Variants in AFF1 observed in about 807,000 individuals in gnomAD.
AFF1 encodes ALF transcription elongation factor 1.
Under a neutral mutation model 121.7 loss-of-function variants are expected in AFF1, and 48 were observed. That is an observed-to-expected ratio of 0.39 (90% CI 0.31 to 0.50). The LOEUF is 0.50. Ranked by LOEUF, AFF1 falls within the 20% of genes least tolerant of loss-of-function variation. The probability of loss-of-function intolerance (pLI) is 0.76; values close to 1 mark genes in which losing one functional copy is unlikely to be tolerated. For missense variants in AFF1, 1,523 were observed against 1,511.7 expected, an observed-to-expected ratio of 1.01 and a Z score of -0.12; for synonymous variants, 613 against 563.0, an observed-to-expected ratio of 1.09 and a Z score of -1.26.
At chr4:87,123,761 C>T (rs1187446542) in intron 12 of AFF1, among the ~76,000 whole-genome samples, 1 of 152,144 alleles carries the variant, frequency 6.6e-6, no homozygotes, top group African/African-American at 2.4e-5. Flanking sequence ...GCCTACACAT[C>T]TTAAATTATT....
In AFF1 at chr4:87,130,051, C is replaced by T. The variant is rs1379518659; in HGVS notation, c.2965-1032C>T. Among the ~76,000 whole-genome samples the T allele has an allele frequency of 6.0e-5, 9 of 150,742 alleles. No individual in the cohort carries two copies. In the East Asian group the frequency reaches 7.7e-4, roughly 13 times the overall value. The stretch of plus-strand genomic sequence containing the variant: ...GTGCAATGGCATGATCTCGGCTCAC[C>T]GTAACCTCTGCCTCCCATATTCAAG... On this transcript the variant is annotated intron_variant, in intron 16 of 20. Transcript: ENST00000395146.
intron 2 of AFF1, among the ~76,000 whole-genome samples, chr4:86,952,865 T>TTTTATTTA (rs200677248): frequency 2.7e-5 from 4 of 145,662 alleles, no homozygotes; most frequent in Non-Finnish European, 6.0e-5. Context: ...ATTTTGTATT[T>TTTTATTTA]TTTATTTATT....
Position 87,108,195 on chromosome 4 carries a change from A to G in AFF1, c.1413A>G (p.Ala471=). The G allele has an allele frequency of 6.2e-7, 1 of 1,614,152 alleles. No individual in the cohort carries two copies. The highest frequency in any genetic ancestry group is 8.5e-7 in the Non-Finnish European group (1 of 1,180,010). ...PQSLPEPVAS[A]HSSSAESEST... ...CCCTTCCAGAACCAGTGGCATCAGC[A>G]CATTCCAGCAGTGCAGAGTCAGAAA... is the stretch of plus-strand genomic sequence containing the variant. Residue 471 remains alanine (A), a synonymous_variant, in exon 11 of 21, where the codon GCA becomes GCG. Coordinates refer to ENST00000395146, the MANE Select transcript of AFF1 (RefSeq NM_001166693.3).
intron 2 of AFF1, among the ~76,000 whole-genome samples, chr4:86,951,628 T>TTTTTTTTTTTC (rs1560497321): frequency 2.3e-4 from 15 of 64,370 alleles, no homozygotes; most frequent in African/African-American, 5.2e-4. Flanking sequence ...TTTTTCTTTT[T>TTTTTTTTTTTC]TTTTTTTTTT....
intron 2 of AFF1, among the ~76,000 whole-genome samples, chr4:87,041,007 C>T (rs1289924356): frequency 6.6e-6 from 1 of 150,608 alleles, no homozygotes; most frequent in African/African-American, 2.5e-5. Context: ...TCCTGAGTAG[C>T]TGGGATTACA....
chr4:87,095,338 C>T (rs1035586486), intron 8 of AFF1, among the ~76,000 whole-genome samples: 2 of 152,266 alleles, frequency 1.3e-5, no homozygotes, highest in South Asian at 2.1e-4. Context: ...AGGCTAGTCT[C>T]GAACTCCTGA....
chr4:87,007,358 G>C, intron 2 of AFF1: 1 of 1,612,220 alleles, frequency 6.2e-7, no homozygotes, highest in African/African-American at 1.3e-5. Context: ...CAGGGCCCGC[G>C]GGGTGAAGGC....
chr4:87,125,228 A>G (rs1728117374), intron 13 of AFF1, 85 bp downstream of exon 13: 1 of 949,354 alleles, frequency 1.1e-6, no homozygotes, highest in Non-Finnish European at 1.5e-6. Flanking sequence ...TTTCTTCTGC[A>G]CTAGAATCAG....
intron 4 of AFF1, among the ~76,000 whole-genome samples, chr4:87,059,296 T>C (rs956724487): frequency 9.9e-5 from 15 of 152,258 alleles, no homozygotes. Context: ...GATTTTTTTG[T>C]GCCCCCCTCT....
intron 2 of AFF1, chr4:86,950,063 T>C: frequency 6.2e-7 from 1 of 1,614,044 alleles, no homozygotes; most frequent in Non-Finnish European, 8.5e-7. Flanking sequence ...ATTGATGTAA[T>C]AGGCCATCCA....
intron 4 of AFF1, among the ~76,000 whole-genome samples, chr4:87,071,398 A>G (rs185592880): frequency 3.4e-4 from 52 of 152,320 alleles, no homozygotes; most frequent in Admixed American, 9.8e-4. Context: ...TGTGGTGTTC[A>G]TGCCAGCGCA....
intron 2 of AFF1, among the ~76,000 whole-genome samples, chr4:86,998,123 A>AAAAC (rs1725379745): frequency 6.8e-6 from 1 of 146,576 alleles, no homozygotes; most frequent in African/African-American, 2.6e-5. Context: ...AAAAAAAAAA[A>AAAAC]AAAACAAGAA....
chr4:87,111,212 T>C (rs1371798552), intron 11 of AFF1, among the ~76,000 whole-genome samples: 214 of 51,394 alleles, frequency 4.2e-3, no homozygotes, highest in Non-Finnish European at 4.8e-3. Flanking sequence ...AGAGACGGGG[T>C]TTCACCGTGT....
intron 2 of AFF1, among the ~76,000 whole-genome samples, chr4:87,000,640 T>TGTGG (rs1407615567): frequency 7.4e-5 from 11 of 148,856 alleles, no homozygotes; most frequent in African/African-American, 2.8e-4. Flanking sequence ...TGTGTGTGTG[T>TGTGG]GGCAGAGGAA....
intron 7 of AFF1, 126 bp downstream of exon 7, chr4:87,091,955 A>C (rs540294063): frequency 1.9e-5 from 13 of 690,940 alleles, no homozygotes; most frequent in Non-Finnish European, 1.2e-5. Flanking sequence ...AGAATAGGAA[A>C]GGAGAACAAA....
intron 2 of AFF1, among the ~76,000 whole-genome samples, chr4:87,013,029 G>GTTTTTTTTTTTTT (rs1560539145): frequency 1.2e-5 from 1 of 84,316 alleles, no homozygotes; most frequent in Non-Finnish European, 2.0e-5. Flanking sequence ...CTGCTATCAA[G>GTTTTTTTTTTTTT]TTCTTTTTTT....
chr4:87,121,570 G>A (rs1267978690), intron 12 of AFF1, among the ~76,000 whole-genome samples: 2 of 151,656 alleles, frequency 1.3e-5, no homozygotes, highest in African/African-American at 4.9e-5. Context: ...AAAGTTCTAA[G>A]TGCATAGTGT....
chr4:87,108,325 T>TC lies in AFF1; in HGVS notation c.1533+15dup, dbSNP rs768854999. On this transcript the variant is annotated intron_variant, in intron 11 of 20. Transcript: ENST00000395146. ...AACCCCAGCTCCGGAGGTACCGTGT[T>TC]CCCCCTCGAGATGGCCACCTTAGAT... is the stretch of plus-strand genomic sequence containing the variant. The TC allele has an allele frequency of 3.0e-5, 49 of 1,611,104 alleles. No individual in the cohort carries two copies. The highest frequency in any genetic ancestry group is 3.9e-5 in the Non-Finnish European group (46 of 1,179,530).
At chr4:87,047,650 A>C in intron 4 of AFF1, 56 bp downstream of exon 4, 2 of 1,608,974 alleles carry the variant, frequency 1.2e-6, no homozygotes, top group Non-Finnish European at 1.7e-6. Flanking sequence ...TTTGAGATGA[A>C]AATGTCCGGA....
Sources: allele counts gnomAD v4.1 joint callset (sites outside exome capture counted in the v4.1 genomes callset), GRCh38; gene constraint gnomAD v4.1.1; transcripts MANE v1.5; gene names NCBI Gene and HGNC (gene_info 2026-07-23, HGNC 2026-07-21).